Variants in ROBO2 observed in about 807,000 individuals in gnomAD.
The protein encoded by ROBO2 is roundabout homolog 2.
In ROBO2, 53 loss-of-function variants were observed where a neutral mutation model predicts 160.8. The ratio of observed to expected loss-of-function variants is 0.33; its 90% confidence interval spans 0.26 to 0.41. The LOEUF is 0.41. Ranked by LOEUF, ROBO2 falls within the 10% of genes least tolerant of loss-of-function variation. The probability of loss-of-function intolerance (pLI) is 1.00; values close to 1 mark genes in which losing one functional copy is unlikely to be tolerated. For missense variants in ROBO2, 1,577 were observed against 1,722.4 expected, an observed-to-expected ratio of 0.92 and a Z score of 1.49; for synonymous variants, 664 against 611.7, an observed-to-expected ratio of 1.09 and a Z score of -1.26.
intron 2 of ROBO2, among the ~76,000 whole-genome samples, chr3:75,946,725 T>C (rs940036060): frequency 6.6e-6 from 1 of 152,078 alleles, no homozygotes; most frequent in African/African-American, 2.4e-5. Flanking sequence ...CTTGATAGTT[T>C]CTTACAAAGA....
intron 2 of ROBO2, among the ~76,000 whole-genome samples, chr3:76,385,239 C>G (rs561754714): frequency 6.6e-6 from 1 of 152,286 alleles, no homozygotes; most frequent in East Asian, 1.9e-4. Context: ...AAGGCATACA[C>G]CCACCTTCGT....
intron 2 of ROBO2, among the ~76,000 whole-genome samples, chr3:76,546,875 C>T (rs1455459522): frequency 6.6e-6 from 1 of 151,788 alleles, no homozygotes; most frequent in Non-Finnish European, 1.5e-5. Context: ...TTGACCTAAG[C>T]CAAATTCAAA....
intron 2 of ROBO2, among the ~76,000 whole-genome samples, chr3:77,181,823 C>T (rs1040577218): frequency 1.3e-5 from 2 of 151,932 alleles, no homozygotes; most frequent in East Asian, 1.9e-4. Context: ...AATGCGAAGT[C>T]TCATATCAAT....
chr3:76,591,160 A>G (rs1350374229), intron 2 of ROBO2, among the ~76,000 whole-genome samples: 1 of 152,112 alleles, frequency 6.6e-6, no homozygotes, highest in Non-Finnish European at 1.5e-5. Context: ...CATATTTTGT[A>G]TGGTATATGT....
chr3:75,966,211 G>A (rs1210620452), intron 2 of ROBO2, among the ~76,000 whole-genome samples: 1 of 151,566 alleles, frequency 6.6e-6, no homozygotes, highest in Non-Finnish European at 1.5e-5. Context: ...GGGTAAAACT[G>A]TAAGACACAA....
chr3:76,617,371 T>C (rs1362558881), intron 2 of ROBO2, among the ~76,000 whole-genome samples: 1 of 152,142 alleles, frequency 6.6e-6, no homozygotes, highest in Non-Finnish European at 1.5e-5. Flanking sequence ...TTGCAACTCA[T>C]TTTTTATCGT....
chr3:76,525,632 G>A (rs759209498), intron 2 of ROBO2, among the ~76,000 whole-genome samples: 13 of 151,914 alleles, frequency 8.6e-5, no homozygotes, highest in African/African-American at 1.4e-4. Flanking sequence ...CATTAGGAAC[G>A]CACTCAAAAA....
chr3:77,560,311 A>C (rs997004761), intron 9 of ROBO2, among the ~76,000 whole-genome samples: 4 of 152,130 alleles, frequency 2.6e-5, no homozygotes, highest in African/African-American at 9.7e-5. Flanking sequence ...TAAGGGTAAA[A>C]GGACAAGCAT....
At chr3:77,317,151 AC>A (rs1276137990) in intron 2 of ROBO2, 53 of 1,054,760 alleles carry the variant, frequency 5.0e-5, no homozygotes, top group Non-Finnish European at 7.6e-5. Flanking sequence ...CGCATCTGGT[AC>A]CCAGCCAGCC....
chr3:77,211,307 T>A (rs2084118938), intron 2 of ROBO2, among the ~76,000 whole-genome samples: 1 of 152,204 alleles, frequency 6.6e-6, no homozygotes, highest in Admixed American at 6.5e-5. Flanking sequence ...GGTATCTCAT[T>A]GTGGTTTTGC....
intron 2 of ROBO2, among the ~76,000 whole-genome samples, chr3:76,747,533 G>A (rs1480247204): frequency 6.6e-6 from 1 of 151,960 alleles, no homozygotes; most frequent in African/African-American, 2.4e-5. Context: ...TTTGCACCTT[G>A]TCATGAATAC....
At chr3:76,000,840 T>C (rs2065866484) in intron 2 of ROBO2, among the ~76,000 whole-genome samples, 1 of 152,164 alleles carries the variant, frequency 6.6e-6, no homozygotes, top group Non-Finnish European at 1.5e-5. Context: ...TAGCATGATA[T>C]ATCATTTTAT....
chr3:77,501,773 T>C (rs925611151), intron 5 of ROBO2, among the ~76,000 whole-genome samples: 2 of 152,186 alleles, frequency 1.3e-5, no homozygotes, highest in African/African-American at 4.8e-5. Flanking sequence ...ATATTACCTG[T>C]GTATCTATTA....
rs1278388872 is a variant in ROBO2 at position 76,624,778 on chromosome 3, C to CA, written c.110-473235dup. 5.3e-5 allele frequency among the ~76,000 whole-genome samples: 6 copies of CA among 112,936 alleles called. No homozygotes were observed. The East Asian group carries it at 1.6e-3, about 30-fold the overall frequency. The allele number at this position is 112,936 out of a possible 152,430, so 74.1% of individuals were successfully genotyped here. A position where few individuals can be genotyped will look rare whatever the true frequency, so the allele number is the denominator to read the frequency against. On this transcript the variant is annotated intron_variant, in intron 2 of 26. Transcript: ENST00000487694. ...GCGCTATTCTTTCCAGCCTGAGTGA[C>CA]AGAGTGAGACTCCGTCTCAAAAAAA... is the stretch of plus-strand genomic sequence containing the variant.
chr3:77,210,590 A>G (rs564253140), intron 2 of ROBO2, among the ~76,000 whole-genome samples: 1 of 151,788 alleles, frequency 6.6e-6, no homozygotes, highest in African/African-American at 2.4e-5. Context: ...AATCTCACAA[A>G]TAATTTTTTT....
intron 24 of ROBO2, among the ~76,000 whole-genome samples, chr3:77,635,675 C>A (rs1227124748): frequency 6.6e-6 from 1 of 152,138 alleles, no homozygotes; most frequent in Non-Finnish European, 1.5e-5. Flanking sequence ...TGTGTTATAA[C>A]TGCCTATAAC....
At chr3:77,236,460 T>A (rs1401948035) in intron 2 of ROBO2, among the ~76,000 whole-genome samples, 1 of 152,190 alleles carries the variant, frequency 6.6e-6, no homozygotes, top group African/African-American at 2.4e-5. Flanking sequence ...CAACTCTCGC[T>A]TCCCATCATG....
intron 2 of ROBO2, among the ~76,000 whole-genome samples, chr3:76,664,435 T>A (rs2091944283): frequency 6.6e-6 from 1 of 152,052 alleles, no homozygotes; most frequent in African/African-American, 2.4e-5. Flanking sequence ...TAGAAGGAAG[T>A]ATACCAAGAT....
intron 2 of ROBO2, among the ~76,000 whole-genome samples, chr3:77,412,646 GT>G (rs924123737): frequency 1.3e-5 from 2 of 152,196 alleles, no homozygotes; most frequent in Non-Finnish European, 2.9e-5. Context: ...CAAGCCCAGT[GT>G]TCTCTGAGTT....
Sources: allele counts gnomAD v4.1 joint callset (sites outside exome capture counted in the v4.1 genomes callset), GRCh38; gene constraint gnomAD v4.1.1; transcripts MANE v1.5; gene names NCBI Gene and HGNC (gene_info 2026-07-23, HGNC 2026-07-21).